Variants in TNS1 observed in about 807,000 individuals in gnomAD.
TNS1 encodes the protein tensin 1, also known as tensin-1.
TNS1 carries 62 observed loss-of-function variants against 168.6 expected under a neutral mutation model. That is an observed-to-expected ratio of 0.37 (90% CI 0.30 to 0.45). The LOEUF is 0.45. TNS1 is among the 20% of genes least tolerant of loss of function. The probability of loss-of-function intolerance (pLI) is 1.00; values close to 1 mark genes in which losing one functional copy is unlikely to be tolerated. For missense variants in TNS1, 2,240 were observed against 2,339.4 expected (o/e 0.96, Z 0.88); for synonymous variants, 934 against 933.2 (o/e 1.00, Z -0.02).
chr2:217,946,969 TCACACA>T (rs372012573), intron 3 of TNS1, among the ~76,000 whole-genome samples: 9 of 118,812 alleles, frequency 7.6e-5, no homozygotes, highest in African/African-American at 2.9e-4. Context: ...TCTCTCTCTC[TCACACA>T]CACACACACA....
At chr2:217,938,003 C>T (rs1278747445) in intron 3 of TNS1, among the ~76,000 whole-genome samples, 1 of 152,124 alleles carries the variant, frequency 6.6e-6, no homozygotes, top group Non-Finnish European at 1.5e-5. Context: ...TGGTCAAGGT[C>T]AAGGGGTAAA....
rs1574591136 is a variant in TNS1, at chr2:217,815,275, A to T, written c.4643-277T>A. On this transcript the variant is annotated intron_variant, in intron 24 of 32. Coordinates refer to ENST00000682258, the MANE Select transcript of TNS1 (RefSeq NM_001387777.1). ...GCAGAGACTGGGGTGATGCGTCTAC[A>T]TGCCAAGGGACACCAAGGATGCTGG... is the stretch of plus-strand genomic sequence containing the variant. 6 of 378,634 alleles carry T rather than the reference A, an allele frequency of 1.6e-5. No individual in the cohort carries two copies. In the East Asian group the frequency reaches 2.1e-4, roughly 13 times the overall value. The allele number at this position is 378,634 out of a possible 1,614,324, so 23.5% of individuals were successfully genotyped here.
At position 217,834,382 on chromosome 2, in the gene TNS1, T is replaced by C. The variant is rs1437996250; in HGVS notation, c.3280+709A>G. ...TGACCCAGGCCTCTCCTGAGTACACTGAGTCCCTCGTGGCCTGGTATTAAT... is the reference window on the plus strand; with the variant it reads ...TGACCCAGGCCTCTCCTGAGTACACCGAGTCCCTCGTGGCCTGGTATTAAT... On this transcript the variant is annotated intron_variant, in intron 21 of 32. Transcript: ENST00000682258. Among the ~76,000 whole-genome samples the C allele has an allele frequency of 2.0e-5, 3 of 152,356 alleles. No individual in the cohort carries two copies. In the South Asian group the frequency reaches 6.2e-4, roughly 32 times the overall value.
chr2:218,001,504 C>A (rs181979284), intron 1 of TNS1, among the ~76,000 whole-genome samples: 1 of 152,076 alleles, frequency 6.6e-6, no homozygotes, highest in Admixed American at 6.5e-5. Context: ...CACCCCTGGA[C>A]GTCTACCTGC....
chr2:217,812,863 G>A (rs76043829), intron 27 of TNS1, among the ~76,000 whole-genome samples: 10,995 of 152,166 alleles, frequency 0.072, 509 homozygotes, highest in Non-Finnish European at 0.1. Flanking sequence ...TATTAGGGAG[G>A]ATGACCCCTA....
In TNS1 at chr2:217,836,107, G is replaced by C. The variant is rs373575970; in HGVS notation, c.3112C>G (p.Pro1038Ala). 5.6e-6 allele frequency: 9 copies of C among 1,613,994 alleles called. No individual in the cohort carries two copies. In the African/African-American group the frequency reaches 1.1e-4, roughly 19 times the overall value. Residue 1038 changes from proline (P) to alanine (A), a missense_variant, in exon 20 of 33, where the codon CCT (proline) becomes GCT (alanine). This residue lies in a region of TNS1 where 2,131 missense variants were observed against 2,171.2 expected (regional missense o/e 0.98). Transcript: ENST00000682258. ...GGGGAGCGAACCCCAGGGCTACGAG[G>C]GGATGTGGCTTCTGGAGACTGGTTC... ...YENQSPEATS[P>A]RSPGVRSPVQ... is the part of the protein sequence containing the mutation.
rs1207913865 is a variant in TNS1 at position 217,805,504 on chromosome 2, C to CCACCACACACACCACACA, written c.5376-919_5376-902dup. On this transcript the variant is annotated intron_variant, in intron 32 of 32. Coordinates refer to ENST00000682258, the MANE Select transcript of TNS1 (RefSeq NM_001387777.1). ...ACACACCACACACACACCACACACA[C>CCACCACACACACCACACA]CACCACACACACCACACACACCACA... 6.9e-5 allele frequency among the ~76,000 whole-genome samples: 4 copies of CCACCACACACACCACACA among 58,204 alleles called. No individual in the cohort carries two copies. In the South Asian group the frequency reaches 2.5e-3, roughly 36 times the overall value. The allele number at this position is 58,204 out of a possible 152,430, so 38.2% of individuals were successfully genotyped here.
At chr2:217,900,649 C>T (rs1354600836) in intron 6 of TNS1, 137 bp from the exon 7 acceptor site, 7 of 937,836 alleles carry the variant, frequency 7.5e-6, no homozygotes, top group Non-Finnish European at 1.1e-5. Context: ...CACCCTAACC[C>T]CTGCAAAAAC....
intron 1 of TNS1, among the ~76,000 whole-genome samples, chr2:217,996,063 C>T (rs1303604583): frequency 6.6e-6 from 1 of 152,130 alleles, no homozygotes; most frequent in Admixed American, 6.5e-5. Flanking sequence ...TTTGTTGGTT[C>T]CTCCCTGCCC....
upstream of TNS1, among the ~76,000 whole-genome samples, chr2:218,007,065 C>A (rs1053847755): frequency 2.6e-5 from 4 of 152,130 alleles, no homozygotes; most frequent in African/African-American, 9.7e-5. Context: ...GGGCCACTCA[C>A]ACTGCAGCCT....
chr2:217,871,346 C>A (rs1011085781), intron 18 of TNS1, among the ~76,000 whole-genome samples: 7 of 152,216 alleles, frequency 4.6e-5, no homozygotes, highest in Admixed American at 4.6e-4. Flanking sequence ...GAAGGGCTAT[C>A]CCCTCTGGAG....
chr2:217,943,838 A>G (rs1193181774), intron 3 of TNS1: 1 of 152,842 alleles, frequency 6.5e-6, no homozygotes, highest in Non-Finnish European at 1.5e-5. Context: ...CACGTACACC[A>G]TCACACACGC....
chr2:217,821,628 A>G (rs1167137730), intron 23 of TNS1, 112 bp downstream of exon 23: 2 of 1,086,268 alleles, frequency 1.8e-6, no homozygotes, highest in Non-Finnish European at 2.5e-6. Context: ...CCATCTGGGT[A>G]TGCTTTCTGC....
intron 23 of TNS1, among the ~76,000 whole-genome samples, chr2:217,819,029 G>A (rs766442353): frequency 4.6e-5 from 7 of 152,284 alleles, no homozygotes; most frequent in East Asian, 3.9e-4. Context: ...CAAAGCCCAC[G>A]TCTTCCCCAC....
Position 217,848,144 on chromosome 2 carries a change from C to A in TNS1, c.2373G>T (p.Gln791His), listed in dbSNP as rs149540382. The A allele has an allele frequency of 1.0e-5, 16 of 1,598,982 alleles. No individual in the cohort carries two copies. The highest frequency in any genetic ancestry group is 1.4e-5 in the Non-Finnish European group (16 of 1,172,596). The part of the protein sequence containing the change: ...QQQQPRPPPR[Q>H]QERAHLESLV... Reference sequence around the variant, plus strand: ...GACTCTCCAAGTGGGCTCTTTCCTGCTGGCGTGGAGGTGGGCGAGGCTGCT... The same window carrying A: ...GACTCTCCAAGTGGGCTCTTTCCTGATGGCGTGGAGGTGGGCGAGGCTGCT... Residue 791 changes from glutamine to histidine, a missense_variant, in exon 19 of 33, where the codon CAG (glutamine) becomes CAT (histidine). By Grantham distance (24) the Gln-to-His change is conservative. This residue lies in a region of TNS1 where 2,131 missense variants were observed against 2,171.2 expected (regional missense o/e 0.98). Transcript: ENST00000682258.
At position 217,808,090 on chromosome 2, in the gene TNS1, C is replaced by T. The variant is rs1166606831; in HGVS notation, c.5360G>A (p.Gly1787Asp). ...PQERKWMKTE[G>D]GAPAKLFGFV... is the part of the protein sequence containing the mutation. ...TCACACTTACTTAGCAGGGGCACCA[C>T]CCTCTGTTTTCATCCACCTGTGGAG... Residue 1787 changes from glycine (G) to aspartate (D), a missense_variant, in exon 32 of 33, where the codon GGT becomes GAT. Coordinates refer to ENST00000682258, the MANE Select transcript of TNS1 (RefSeq NM_001387777.1). 1 of 1,613,038 alleles carries T rather than the reference C, an allele frequency of 6.2e-7. No individual in the cohort carries two copies. The highest frequency in any genetic ancestry group is 8.5e-7 in the Non-Finnish European group (1 of 1,179,968).
intron 3 of TNS1, among the ~76,000 whole-genome samples, chr2:217,944,417 G>T (rs889564899): frequency 1.3e-5 from 2 of 152,196 alleles, no homozygotes; most frequent in Non-Finnish European, 2.9e-5. Context: ...AAAGACGCAG[G>T]TGCAGAGAAA....
chr2:218,031,350 AGT>A (rs879730729), intron 1 of TNS1, among the ~76,000 whole-genome samples: 4 of 129,980 alleles, frequency 3.1e-5, no homozygotes, highest in Non-Finnish European at 3.2e-5. Context: ...TGAGTGTATG[AGT>A]GTGTGTTGTG....
Position 217,962,068 on chromosome 2 carries a change from A to C in TNS1, c.186+16697T>G, listed in dbSNP as rs149896001. ...ACTTGCCAGGCCCCACAATTGTGTA[A>C]GCCAATCCCTTACAATAAATTTCTT... On this transcript the variant is annotated intron_variant, in intron 3 of 32. Coordinates refer to ENST00000682258, the MANE Select transcript of TNS1 (RefSeq NM_001387777.1). Among the ~76,000 whole-genome samples the C allele has an allele frequency of 2.2e-4, 33 of 152,340 alleles. No homozygotes were observed. In the East Asian group the frequency reaches 3.7e-3, roughly 17 times the overall value.
Sources: allele counts gnomAD v4.1 joint callset (sites outside exome capture counted in the v4.1 genomes callset), GRCh38; gene constraint gnomAD v4.1.1; regional missense constraint gnomAD v4.1.1; transcripts MANE v1.5; gene names NCBI Gene and HGNC (gene_info 2026-07-23, HGNC 2026-07-21).